The following JARID2 variants were observed in gnomAD, a reference collection of about 807,000 sequenced individuals.
JARID2 encodes the protein protein Jumonji.
JARID2 carries 21 observed loss-of-function variants against 125.6 expected under a neutral mutation model. The ratio of observed to expected loss-of-function variants is 0.17; its 90% CI spans 0.12 to 0.24. The LOEUF (loss-of-function observed/expected upper bound fraction) is 0.24, where lower values mean the gene tolerates loss of function less well. JARID2 is among the 10% of genes least tolerant of loss of function. The pLI is 1.00. For synonymous variants in JARID2, 736 were observed against 661.6 expected (o/e 1.11, Z -1.73); for missense variants, 1,303 against 1,639.6 (o/e 0.79, Z 3.55).
intron 1 of JARID2, among the ~76,000 whole-genome samples, chr6:15,296,868 T>C (rs1761434881): frequency 1.3e-5 from 2 of 152,236 alleles, no homozygotes; most frequent in Non-Finnish European, 2.9e-5. Context: ...TTTTGTTTCT[T>C]AAATTTCATT....
At position 15,520,751 on chromosome 6, in the gene JARID2, G is replaced by T. The variant is rs762125052; in HGVS notation, c.*500G>T. 1 of 455,918 alleles carries T rather than the reference G, an allele frequency of 2.2e-6. No individual in the cohort carries two copies. The highest frequency in any genetic ancestry group is 1.5e-5 in the South Asian group (1 of 64,550). The allele number at this position is 455,918 out of a possible 1,614,324, so 28.2% of individuals were successfully genotyped here. ...CTTTGGCTGTCGTCTTCTGCCGTGT[G>T]CCAGATGAGCTTGTGATCTGGGAAG... On this transcript the variant is annotated 3_prime_UTR_variant, in exon 18 of 18. Transcript: ENST00000341776.
chr6:15,312,305 G>A (rs996300709), intron 1 of JARID2, among the ~76,000 whole-genome samples: 3 of 152,052 alleles, frequency 2.0e-5, no homozygotes, highest in South Asian at 4.2e-4. Context: ...CACCCGCCTC[G>A]GCCTCCCAAA....
At chr6:15,481,838 C>A (rs141565431) in intron 5 of JARID2, among the ~76,000 whole-genome samples, 1 of 152,276 alleles carries the variant, frequency 6.6e-6, no homozygotes, top group Admixed American at 6.5e-5. Flanking sequence ...GATATCTCAT[C>A]AAAATATTCT....
At chr6:15,374,655 C>CT (rs1764287736) in intron 2 of JARID2, among the ~76,000 whole-genome samples, 2 of 152,312 alleles carry the variant, frequency 1.3e-5, no homozygotes, top group African/African-American at 4.8e-5. Flanking sequence ...GGCTCAGCGG[C>CT]TTTCTCATCT....
At chr6:15,246,779 G>A (rs1759197044) in intron 1 of JARID2, among the ~76,000 whole-genome samples, 195 bp downstream of exon 1, 2 of 152,200 alleles carry the variant, frequency 1.3e-5, no homozygotes, top group African/African-American at 4.8e-5. Context: ...GACTGGTGTA[G>A]AGATACCTCA....
intron 1 of JARID2, among the ~76,000 whole-genome samples, chr6:15,282,810 A>G (rs1015420542): frequency 6.6e-6 from 1 of 152,062 alleles, no homozygotes; most frequent in Non-Finnish European, 1.5e-5. Context: ...CATGTTGGTC[A>G]GGCTGGTTTT....
At chr6:15,498,255 G>T (rs1410449716) in intron 7 of JARID2, among the ~76,000 whole-genome samples, 1 of 152,154 alleles carries the variant, frequency 6.6e-6, no homozygotes, top group Non-Finnish European at 1.5e-5. Flanking sequence ...CTGAGACCAG[G>T]TTTTTTCTGA....
intron 1 of JARID2, among the ~76,000 whole-genome samples, chr6:15,370,563 G>A (rs1021536910): frequency 2.6e-5 from 4 of 151,800 alleles, no homozygotes; most frequent in Non-Finnish European, 4.4e-5. Flanking sequence ...GGATGGTCTC[G>A]ATCTCCTGAC....
rs183995257 is a variant in JARID2 at position 15,341,963 on chromosome 6, A to G, written c.46-32154A>G. ...ATTTTGTATTTGATTTACAAGAGCA[A>G]TATATTTTTATCTTAGAACATTTGG... is the stretch of plus-strand genomic sequence containing the variant. On this transcript the variant is annotated intron_variant, in intron 1 of 17. Transcript: ENST00000341776. Among the ~76,000 whole-genome samples the G allele has an allele frequency of 4.7e-3, 715 of 152,246 alleles. 4 individuals carry two copies. Among genetic ancestry groups the G allele is most frequent in the Non-Finnish European group, 6.9e-3 (472 of 68,008 alleles).
chr6:15,261,982 G>A (rs377100381), intron 1 of JARID2, among the ~76,000 whole-genome samples: 4 of 151,324 alleles, frequency 2.6e-5, no homozygotes, highest in East Asian at 2.0e-4. Flanking sequence ...GGGTTTCACC[G>A]TGCAGGTCAG....
At chr6:15,484,038 T>C (rs777702468) in intron 5 of JARID2, among the ~76,000 whole-genome samples, 11 of 152,212 alleles carry the variant, frequency 7.2e-5, no homozygotes, top group Non-Finnish European at 1.3e-4. Flanking sequence ...TGTCTATCCA[T>C]TGTAAAGGCA....
chr6:15,468,322 ATTTG>A (rs1317891514), intron 4 of JARID2, among the ~76,000 whole-genome samples: 2 of 151,690 alleles, frequency 1.3e-5, no homozygotes, highest in African/African-American at 4.8e-5. Flanking sequence ...AAAAATCCTT[ATTTG>A]TTCTATTTTG....
intron 1 of JARID2, among the ~76,000 whole-genome samples, chr6:15,354,838 G>C (rs1763544471): frequency 6.6e-6 from 1 of 152,218 alleles, no homozygotes; most frequent in South Asian, 2.1e-4. Context: ...TGTTAAAGGA[G>C]TTCCTTAGAC....
intron 1 of JARID2, among the ~76,000 whole-genome samples, chr6:15,257,732 CGTT>C (rs1252747788): frequency 2.0e-5 from 3 of 152,170 alleles, no homozygotes; most frequent in Non-Finnish European, 4.4e-5. Flanking sequence ...AGGTAGTACA[CGTT>C]AGGCCAGCGG....
chr6:15,479,481 G>C (rs1449123839), intron 5 of JARID2, among the ~76,000 whole-genome samples: 1 of 152,244 alleles, frequency 6.6e-6, no homozygotes, highest in Non-Finnish European at 1.5e-5. Flanking sequence ...CATGATGAGA[G>C]TGGCAACCAA....
chr6:15,415,233 A>C (rs1303643088), intron 3 of JARID2, among the ~76,000 whole-genome samples: 1 of 152,208 alleles, frequency 6.6e-6, no homozygotes, highest in Non-Finnish European at 1.5e-5. Context: ...CAGACATGGC[A>C]ACCATCCGAT....
At chr6:15,429,909 G>A (rs1766898644) in intron 3 of JARID2, among the ~76,000 whole-genome samples, 2 of 152,130 alleles carry the variant, frequency 1.3e-5, no homozygotes, top group Admixed American at 1.3e-4. Context: ...CATCTGATTA[G>A]TAATAAGGAA....
chr6:15,312,949 C>CTTGTTGTTCCGAA (rs1762062530), intron 1 of JARID2, among the ~76,000 whole-genome samples: 1 of 152,278 alleles, frequency 6.6e-6, no homozygotes, highest in South Asian at 2.1e-4. Context: ...TGACCCAAGC[C>CTTGTTGTTCCGAA]TTGTTGTTCC....
chr6:15,439,133 A>T (rs116610069), intron 3 of JARID2, among the ~76,000 whole-genome samples: 2,108 of 152,158 alleles, frequency 0.014, 41 homozygotes, highest in African/African-American at 0.047. Flanking sequence ...CATAGGAAGC[A>T]TCACAACCAT....
Sources: gnomAD v4.1 joint callset for allele counts (sites outside exome capture counted in the v4.1 genomes callset) on GRCh38, gnomAD v4.1.1 for gene constraint, MANE v1.5 for transcripts, NCBI Gene and HGNC (gene_info 2026-07-23, HGNC 2026-07-21) for gene names.